PLLP: variants seen among roughly 807,000 people sequenced by gnomAD.
PLLP encodes plasma membrane proteolipid (plasmolipin).
Under a neutral mutation model 19.7 loss-of-function variants are expected in PLLP, and 15 were observed. The observed-to-expected ratio is 0.76, with a 90% CI of 0.51 to 1.17. The LOEUF is 1.17. Ranked by LOEUF, PLLP falls within the 50% of genes most tolerant of loss-of-function variation. The probability of loss-of-function intolerance (pLI) is 0.00; values close to 1 mark genes in which losing one functional copy is unlikely to be tolerated. For missense variants in PLLP, 255 were observed against 258.3 expected (o/e 0.99, Z 0.09); for synonymous variants, 111 against 116.3 (o/e 0.95, Z 0.29).
At chr16:57,273,906 T>A (rs748835584) in intron 1 of PLLP, among the ~76,000 whole-genome samples, 3 of 152,250 alleles carry the variant, frequency 2.0e-5, no homozygotes, top group Non-Finnish European at 4.4e-5. Flanking sequence ...TGTGTGATCC[T>A]GGGGAAAGTG....
At chr16:57,272,969 G>A (rs1208867038) in intron 1 of PLLP, among the ~76,000 whole-genome samples, 1 of 151,052 alleles carries the variant, frequency 6.6e-6, no homozygotes, top group Non-Finnish European at 1.5e-5. Context: ...AAAAAAGTTG[G>A]GGGTGGGGGT....
At chr16:57,266,142 G>A (rs1296052928) in intron 1 of PLLP, among the ~76,000 whole-genome samples, 4 of 152,162 alleles carry the variant, frequency 2.6e-5, no homozygotes, top group African/African-American at 9.7e-5. Context: ...CACTTCAGCT[G>A]GCTCTAGGAG....
chr16:57,269,108 A>AG (rs2075466523), intron 1 of PLLP, among the ~76,000 whole-genome samples: 1 of 152,172 alleles, frequency 6.6e-6, no homozygotes, highest in Non-Finnish European at 1.5e-5. Context: ...TCATAGGCTG[A>AG]GGGGCCTTGG....
At chr16:57,276,379 G>A (rs1901153553) in intron 1 of PLLP, among the ~76,000 whole-genome samples, 1 of 152,174 alleles carries the variant, frequency 6.6e-6, no homozygotes, top group South Asian at 2.1e-4. Flanking sequence ...ATCACCTGAG[G>A]TCAGGAGTTC....
Position 57,256,206 on chromosome 16 carries a change from G to A in PLLP, c.*707C>T, listed in dbSNP as rs1225081496. ...TCCCTCCCTCCTTTGCGTCCCATGT[G>A]CCTAGTCAGCAAGGTCGGGGAGGCA... is the stretch of plus-strand genomic sequence containing the variant. On this transcript the variant is annotated 3_prime_UTR_variant, in exon 4 of 4. Coordinates refer to ENST00000219207, the MANE Select transcript of PLLP (RefSeq NM_015993.3). The A allele has an allele frequency of 2.5e-6, 1 of 395,014 alleles. No homozygotes were observed. Among genetic ancestry groups the A allele is most frequent in the African/African-American group, 2.1e-5 (1 of 48,560 alleles). The allele number at this position is 395,014 out of a possible 1,614,324, so 24.5% of individuals were successfully genotyped here.
intron 2 of PLLP, among the ~76,000 whole-genome samples, chr16:57,259,288 C>A (rs1426225056): frequency 6.6e-6 from 1 of 152,264 alleles, no homozygotes; most frequent in African/African-American, 2.4e-5. Context: ...CAGGGCCAAG[C>A]CCAGGCCATC....
At position 57,258,649 on chromosome 16, in the gene PLLP, C is replaced by T. The variant is rs541516776; in HGVS notation, c.310-65G>A. 904 of 1,527,820 alleles carry T rather than the reference C, an allele frequency of 5.9e-4. 2 individuals are homozygous for T. Among genetic ancestry groups the T allele is most frequent in the East Asian group, 2.4e-3 (105 of 44,340 alleles). The allele number at this position is 1,527,820 out of a possible 1,614,324, so 94.6% of individuals were successfully genotyped here. A position where few individuals can be genotyped will look rare whatever the true frequency, so the allele number is the denominator to read the frequency against. On this transcript the variant is annotated intron_variant, in intron 2 of 3. Transcript: ENST00000219207. ...TTAAGACACAAAGAGAGGCCAGACA[C>T]GGTGGTTCACACCTGTAATCCCAGC... is the stretch of plus-strand genomic sequence containing the variant.
intron 1 of PLLP, among the ~76,000 whole-genome samples, chr16:57,278,758 C>T (rs1383080412): frequency 3.9e-5 from 6 of 152,202 alleles, no homozygotes; most frequent in Non-Finnish European, 8.8e-5. Flanking sequence ...CCCCGGGAGT[C>T]TCAGACATTG....
At chr16:57,282,609 C>T (rs1042609841) in intron 1 of PLLP, among the ~76,000 whole-genome samples, 1 of 152,056 alleles carries the variant, frequency 6.6e-6, no homozygotes, top group South Asian at 2.1e-4. Context: ...TGTTCCAAAA[C>T]CTCTTAAGGC....
intron 1 of PLLP, among the ~76,000 whole-genome samples, chr16:57,278,989 TAAG>T (rs1339010651): frequency 1.3e-5 from 2 of 152,142 alleles, no homozygotes; most frequent in African/African-American, 4.8e-5. Flanking sequence ...CAGGCAGCCT[TAAG>T]AAGAACTGAG....
rs2075427093 is a variant in PLLP, at chr16:57,256,800, G to T, written c.*113C>A. 1.4e-6 allele frequency: 1 copy of T among 696,498 alleles called. No homozygotes were observed. The highest frequency in any genetic ancestry group is 1.8e-5 in the African/African-American group (1 of 56,924). The allele number at this position is 696,498 out of a possible 1,614,324, so 43.1% of individuals were successfully genotyped here. A position where few individuals can be genotyped will look rare whatever the true frequency, so the allele number is the denominator to read the frequency against. On this transcript the variant is annotated 3_prime_UTR_variant, in exon 4 of 4. Transcript: ENST00000219207. The stretch of plus-strand genomic sequence containing the variant: ...TGACGGGCAGAGAGGAGCAAATGCA[G>T]TCCCTGTTGGGCTGACTCCACGCAG...
At chr16:57,279,360 TCC>T (rs1392463738) in intron 1 of PLLP, among the ~76,000 whole-genome samples, 3,714 of 145,918 alleles carry the variant, frequency 0.025, 168 homozygotes, top group African/African-American at 0.091. Context: ...TTCTTCTTCT[TCC>T]TTTTTTTTTT....
intron 1 of PLLP, among the ~76,000 whole-genome samples, chr16:57,279,804 C>G (rs1901197989): frequency 6.6e-6 from 1 of 152,228 alleles, no homozygotes; most frequent in South Asian, 2.1e-4. Flanking sequence ...TCCCAAGTAG[C>G]TGGAACTACA....
chr16:57,271,386 G>A (rs1405702733), intron 1 of PLLP, among the ~76,000 whole-genome samples: 4 of 152,044 alleles, frequency 2.6e-5, no homozygotes, highest in African/African-American at 4.8e-5. Context: ...GCTCACACCT[G>A]TAATTCCAGC....
chr16:57,264,704 CGA>C (rs1257408689), intron 1 of PLLP, among the ~76,000 whole-genome samples: 1 of 152,064 alleles, frequency 6.6e-6, no homozygotes, highest in African/African-American at 2.4e-5. Flanking sequence ...AAAAATTAGC[CGA>C]GTGTGGTGAT....
At chr16:57,264,041 G>T (rs1185371049) in intron 1 of PLLP, among the ~76,000 whole-genome samples, 3 of 152,152 alleles carry the variant, frequency 2.0e-5, no homozygotes, top group Non-Finnish European at 4.4e-5. Context: ...CAGCTGAGGG[G>T]CTGCCGCCAG....
At chr16:57,257,075 G>A in intron 3 of PLLP, 46 bp from the exon 4 acceptor site, 5 of 1,368,140 alleles carry the variant, frequency 3.7e-6, no homozygotes, top group Non-Finnish European at 4.2e-6. Context: ...GGGTGACAGT[G>A]ACACAAGCTC....
In PLLP at chr16:57,284,642, C is replaced by T. The variant is rs765553284; in HGVS notation, c.-102G>A. 8.2e-5 allele frequency: 94 copies of T among 1,144,794 alleles called. No individual in the cohort carries two copies. Among genetic ancestry groups the T allele is most frequent in the Middle Eastern group, 3.0e-4 (1 of 3,346 alleles). 70.9% of individuals were successfully genotyped at this position (1,144,794 alleles called of 1,614,324 possible). A position where few individuals can be genotyped will look rare whatever the true frequency, so the allele number is the denominator to read the frequency against. On this transcript the variant is annotated 5_prime_UTR_variant, in exon 1 of 4. Transcript: ENST00000219207. ...CGCTTTTCCCCCAGGCTCCGGATCCCTGTGTGGCTCCAGGCGCTGCAGGAG... is the reference window on the plus strand; with the variant it reads ...CGCTTTTCCCCCAGGCTCCGGATCCTTGTGTGGCTCCAGGCGCTGCAGGAG...
intron 1 of PLLP, among the ~76,000 whole-genome samples, chr16:57,283,009 C>CGG (rs1901237846): frequency 6.6e-6 from 1 of 152,104 alleles, no homozygotes; most frequent in South Asian, 2.1e-4. Flanking sequence ...CTAGCGGTGG[C>CGG]GGGGTCAGTG....
Sources: gnomAD v4.1 joint callset for allele counts (sites outside exome capture counted in the v4.1 genomes callset) on GRCh38, gnomAD v4.1.1 for gene constraint, MANE v1.5 for transcripts, NCBI Gene and HGNC (gene_info 2026-07-23, HGNC 2026-07-21) for gene names.